ATL1: variants seen among roughly 807,000 people sequenced by gnomAD.
ATL1 encodes atlastin GTPase 1.
In ATL1, 31 loss-of-function variants were observed where a neutral mutation model predicts 75.5. That is an observed-to-expected ratio of 0.41 (90% CI 0.31 to 0.55). The LOEUF (loss-of-function observed/expected upper bound fraction) is 0.55. ATL1 is among the 20% of genes least tolerant of loss of function. The probability of loss-of-function intolerance (pLI) is 0.27; values close to 1 mark genes in which losing one functional copy is unlikely to be tolerated. For synonymous variants in ATL1, 226 were observed against 233.3 expected (o/e 0.97, Z 0.28); for missense variants, 405 against 662.6 (o/e 0.61, Z 4.27).
intron 6 of ATL1, among the ~76,000 whole-genome samples, chr14:50,609,285 C>A (rs537311363): frequency 6.6e-6 from 1 of 151,604 alleles, no homozygotes; most frequent in South Asian, 2.1e-4. Flanking sequence ...AGACTAAATG[C>A]GGGACAAAAG....
intron 6 of ATL1, among the ~76,000 whole-genome samples, chr14:50,596,329 G>T (rs548640498): frequency 6.6e-6 from 1 of 151,996 alleles, no homozygotes; most frequent in Non-Finnish European, 1.5e-5. Context: ...TTCTAAATTT[G>T]TATGACATAT....
intron 1 of ATL1, among the ~76,000 whole-genome samples, chr14:50,538,408 C>A (rs1360002780): frequency 6.6e-6 from 1 of 152,132 alleles, no homozygotes; most frequent in Non-Finnish European, 1.5e-5. Context: ...TTTCTGTTAA[C>A]CTTTATCGTC....
chr14:50,554,359 G>A (rs1240560400), intron 1 of ATL1, among the ~76,000 whole-genome samples: 2 of 152,088 alleles, frequency 1.3e-5, no homozygotes, highest in African/African-American at 4.8e-5. Flanking sequence ...ATGATGTTTT[G>A]TATACTGTAG....
At chr14:50,616,654 A>C (rs1494176) in intron 8 of ATL1, among the ~76,000 whole-genome samples, 26,817 of 151,840 alleles carry the variant, frequency 0.18, 2,822 homozygotes, top group African/African-American at 0.3. Context: ...ACTTCTATGC[A>C]TATATTGACC....
chr14:50,557,845 T>C (rs2038783040), upstream of ATL1, among the ~76,000 whole-genome samples: 1 of 152,172 alleles, frequency 6.6e-6, no homozygotes, highest in South Asian at 2.1e-4. Flanking sequence ...CACAGCATCT[T>C]GGAGAAATGG....
chr14:50,560,455 G>T (rs934477192), intron 1 of ATL1, 156 bp downstream of exon 1: 3 of 1,015,710 alleles, frequency 3.0e-6, no homozygotes, highest in African/African-American at 1.6e-5. Flanking sequence ...TTGGGCGGAG[G>T]AACCATGGCC....
At chr14:50,554,379 G>A (rs1052322677) in intron 1 of ATL1, among the ~76,000 whole-genome samples, 3 of 152,162 alleles carry the variant, frequency 2.0e-5, no homozygotes, top group Non-Finnish European at 4.4e-5. Flanking sequence ...GATGTGGCTT[G>A]TACGCACAAG....
intron 1 of ATL1, among the ~76,000 whole-genome samples, chr14:50,563,938 G>A (rs1406776290): frequency 2.6e-5 from 4 of 152,062 alleles, no homozygotes; most frequent in African/African-American, 9.7e-5. Context: ...ACTTGCCAGA[G>A]GTACCATAGT....
intron 3 of ATL1, among the ~76,000 whole-genome samples, chr14:50,591,331 G>A (rs781579755): frequency 2.5e-4 from 38 of 152,058 alleles, no homozygotes; most frequent in African/African-American, 8.0e-4. Flanking sequence ...TTTCTGTTAC[G>A]TTGGATTACT....
At chr14:50,588,133 T>C in intron 2 of ATL1, 55 bp downstream of exon 2, 1 of 1,607,818 alleles carries the variant, frequency 6.2e-7, no homozygotes, top group South Asian at 1.1e-5. Context: ...TGTCACTTCA[T>C]GTTTTTATTT....
At chr14:50,538,318 C>T (rs559485209) in intron 1 of ATL1, among the ~76,000 whole-genome samples, 7 of 152,188 alleles carry the variant, frequency 4.6e-5, no homozygotes, top group Admixed American at 1.3e-4. Flanking sequence ...CCAATTAAAC[C>T]TCTTCCTTTT....
At chr14:50,540,393 G>A (rs1239050647) in intron 1 of ATL1, among the ~76,000 whole-genome samples, 2 of 152,164 alleles carry the variant, frequency 1.3e-5, no homozygotes, top group Non-Finnish European at 2.9e-5. Flanking sequence ...CTGAATCTTA[G>A]ACATAAACCA....
chr14:50,592,542 T>TTA (rs1555364038), intron 4 of ATL1, among the ~76,000 whole-genome samples: 1 of 149,134 alleles, frequency 6.7e-6, no homozygotes, highest in African/African-American at 2.5e-5. Context: ...GTAAAAGTCA[T>TTA]AAAAAAAAAA....
At chr14:50,536,735 G>C (rs529234623) in intron 1 of ATL1, among the ~76,000 whole-genome samples, 1 of 152,324 alleles carries the variant, frequency 6.6e-6, no homozygotes, top group East Asian at 1.9e-4. Flanking sequence ...TTTTAGCAAA[G>C]ACACTGGTGG....
intron 6 of ATL1, among the ~76,000 whole-genome samples, chr14:50,601,368 G>C (rs960260632): frequency 1.3e-5 from 2 of 152,168 alleles, no homozygotes; most frequent in African/African-American, 4.8e-5. Flanking sequence ...AGAATTAAAA[G>C]CTAAATGAAT....
intron 1 of ATL1, among the ~76,000 whole-genome samples, chr14:50,584,280 A>C (rs1185255831): frequency 6.6e-6 from 1 of 152,184 alleles, no homozygotes; most frequent in Non-Finnish European, 1.5e-5. Flanking sequence ...CGGGAGGTTG[A>C]GGTGGGAGGA....
intron 1 of ATL1, among the ~76,000 whole-genome samples, chr14:50,568,276 G>C (rs2140182699): frequency 6.6e-6 from 1 of 152,192 alleles, no homozygotes; most frequent in Middle Eastern, 3.4e-3. Context: ...TGCACCTGTA[G>C]TCTCAGCTAT....
intron 1 of ATL1, among the ~76,000 whole-genome samples, chr14:50,553,789 A>G (rs1042680103): frequency 5.9e-5 from 9 of 152,208 alleles, no homozygotes; most frequent in African/African-American, 1.9e-4. Context: ...GAACAAAATA[A>G]TGGCCTTTGC....
intron 11 of ATL1, among the ~76,000 whole-genome samples, chr14:50,627,548 A>G (rs537132667): frequency 6.6e-6 from 1 of 152,380 alleles, no homozygotes; most frequent in African/African-American, 2.4e-5. Context: ...CTCCATTCAA[A>G]TAAAAATCAG....
Sources: allele counts gnomAD v4.1 joint callset (sites outside exome capture counted in the v4.1 genomes callset), GRCh38; gene constraint gnomAD v4.1.1; transcripts MANE v1.5; gene names NCBI Gene and HGNC (gene_info 2026-07-23, HGNC 2026-07-21).